The following MBD5 variants were observed in gnomAD, a reference collection of about 807,000 sequenced individuals.
MBD5 encodes methyl-CpG binding domain protein 5.
In MBD5, 13 loss-of-function variants were observed where a neutral mutation model predicts 117.3. The observed-to-expected ratio is 0.11, with a 90% confidence interval of 0.07 to 0.18. The LOEUF is 0.18. MBD5 is among the 10% of genes least tolerant of loss of function. The probability of loss-of-function intolerance (pLI) is 1.00; values close to 1 mark genes in which losing one functional copy is unlikely to be tolerated. For missense variants in MBD5, 1,879 were observed against 2,093.8 expected (o/e 0.90, Z 2.00); for synonymous variants, 727 against 766.4 (o/e 0.95, Z 0.85).
intron 1 of MBD5, among the ~76,000 whole-genome samples, chr2:148,050,952 T>C (rs1408508232): frequency 2.0e-5 from 3 of 152,126 alleles, no homozygotes; most frequent in African/African-American, 7.2e-5. Context: ...TTTCTGAAAA[T>C]GAAAAATAGA....
At chr2:148,161,913 T>A (rs1000581494) in intron 1 of MBD5, among the ~76,000 whole-genome samples, 1 of 152,184 alleles carries the variant, frequency 6.6e-6, no homozygotes, top group Non-Finnish European at 1.5e-5. Context: ...AGGGCTAAAT[T>A]TACTTTGTCA....
At chr2:148,404,839 T>C (rs1197394250) in intron 4 of MBD5, among the ~76,000 whole-genome samples, 1 of 152,190 alleles carries the variant, frequency 6.6e-6, no homozygotes, top group African/African-American at 2.4e-5. Context: ...TATTTTACAG[T>C]CTATTACTTA....
chr2:148,072,230 T>C (rs1695376479), intron 1 of MBD5, among the ~76,000 whole-genome samples: 1 of 152,202 alleles, frequency 6.6e-6, no homozygotes. Context: ...TTTGGGTAAT[T>C]AGACTACACA....
In MBD5 at chr2:148,422,757, A is replaced by G. The variant is rs181385366; in HGVS notation, c.-556-35446A>G. On this transcript the variant is annotated intron_variant, in intron 4 of 13. Transcript: ENST00000642680. ...GAACATAAATGACCTCATGGAGCTG[A>G]AAAACACAGCACGAGAACTTCGTGA... 7.0e-4 allele frequency among the ~76,000 whole-genome samples: 106 copies of G among 152,332 alleles called. 1 individual carries two copies. The highest frequency in any genetic ancestry group is 1.0e-3 in the Non-Finnish European group (71 of 68,034).
chr2:148,059,467 G>C (rs1479685761), intron 1 of MBD5, among the ~76,000 whole-genome samples: 2 of 152,110 alleles, frequency 1.3e-5, no homozygotes, highest in African/African-American at 2.4e-5. Flanking sequence ...GAAATTTACT[G>C]TTAGCTATGT....
At chr2:148,086,127 T>C (rs1695785853) in intron 1 of MBD5, among the ~76,000 whole-genome samples, 1 of 152,106 alleles carries the variant, frequency 6.6e-6, no homozygotes, top group Admixed American at 6.6e-5. Flanking sequence ...ATAGTATATG[T>C]ACTATATAGC....
At chr2:148,161,632 T>C (rs1698010725) in intron 1 of MBD5, among the ~76,000 whole-genome samples, 1 of 152,164 alleles carries the variant, frequency 6.6e-6, no homozygotes, top group South Asian at 2.1e-4. Flanking sequence ...TTTGGGACAA[T>C]GTTTCACATC....
intron 3 of MBD5, among the ~76,000 whole-genome samples, chr2:148,331,198 T>C (rs971642800): frequency 5.3e-5 from 8 of 152,194 alleles, no homozygotes; most frequent in Non-Finnish European, 4.4e-5. Context: ...AATTTATAAA[T>C]GCCTACTTAG....
Position 148,082,945 on chromosome 2 carries a change from A to G in MBD5, c.-925+61261A>G, listed in dbSNP as rs574142322. Among the ~76,000 whole-genome samples the G allele has an allele frequency of 2.0e-5, 3 of 152,320 alleles. No homozygotes were observed. In the South Asian group the frequency reaches 6.2e-4, roughly 32 times the overall value. On this transcript the variant is annotated intron_variant, in intron 1 of 13. Coordinates refer to ENST00000642680, the MANE Select transcript of MBD5 (RefSeq NM_001378120.1). ...ATTGTCTTTCTTGCCCTTGGTAGGC[A>G]TGATCTCCTATAGTCCTTCAATAAA...
chr2:148,398,293 T>C (rs1194054603), intron 4 of MBD5, among the ~76,000 whole-genome samples: 12 of 152,246 alleles, frequency 7.9e-5, no homozygotes, highest in Middle Eastern at 3.4e-3. Context: ...GTTCCTATTT[T>C]TCCACATCTT....
At chr2:148,463,689 A>C in intron 6 of MBD5, 50 bp from the exon 7 acceptor site, 1 of 1,594,646 alleles carries the variant, frequency 6.3e-7, no homozygotes. Flanking sequence ...GGATCTTTTT[A>C]TTAAATGTTT....
chr2:148,390,469 G>A (rs1001034355), intron 4 of MBD5, among the ~76,000 whole-genome samples: 24 of 150,402 alleles, frequency 1.6e-4, no homozygotes, highest in African/African-American at 5.4e-4. Context: ...ATATGTGTGT[G>A]TATATATATA....
intron 8 of MBD5, among the ~76,000 whole-genome samples, chr2:148,475,543 A>G (rs915963948): frequency 1.3e-5 from 2 of 152,120 alleles, no homozygotes; most frequent in Non-Finnish European, 2.9e-5. Flanking sequence ...GAGTGGTGAT[A>G]TGTTTGCTGA....
At chr2:148,370,058 T>A (rs1703809417) in intron 4 of MBD5, among the ~76,000 whole-genome samples, 1 of 152,194 alleles carries the variant, frequency 6.6e-6, no homozygotes, top group African/African-American at 2.4e-5. Flanking sequence ...CTATATTTTA[T>A]ACTAAATTAT....
intron 1 of MBD5, among the ~76,000 whole-genome samples, chr2:148,171,371 A>G (rs1698258293): frequency 6.6e-6 from 1 of 152,238 alleles, no homozygotes; most frequent in African/African-American, 2.4e-5. Context: ...TAACAGAGTG[A>G]AGGACGTATG....
Position 148,075,506 on chromosome 2 carries a change from A to G in MBD5, c.-925+53822A>G, listed in dbSNP as rs376006661. 5.2e-4 allele frequency among the ~76,000 whole-genome samples: 79 copies of G among 152,362 alleles called. 1 individual carries two copies. In the South Asian group the frequency reaches 0.016, roughly 31 times the overall value. ...ATATTTCTGTCTGTATATCTAAAAG[A>G]TAAGGACTCAATTTTAAAATTACTA... On this transcript the variant is annotated intron_variant, in intron 1 of 13. Coordinates refer to ENST00000642680, the MANE Select transcript of MBD5 (RefSeq NM_001378120.1).
chr2:148,474,700 A>T (rs901310831), intron 8 of MBD5, among the ~76,000 whole-genome samples: 6 of 152,164 alleles, frequency 3.9e-5, no homozygotes, highest in African/African-American at 1.4e-4. Flanking sequence ...CAAATAAATA[A>T]ATGTTCTTGA....
chr2:148,461,009 T>C (rs964182573), intron 5 of MBD5, among the ~76,000 whole-genome samples: 1 of 152,192 alleles, frequency 6.6e-6, no homozygotes, highest in Non-Finnish European at 1.5e-5. Context: ...CTTGGCTCAC[T>C]GCAACCTCTG....
At chr2:148,198,802 C>A (rs1399671424) in intron 2 of MBD5, among the ~76,000 whole-genome samples, 1 of 151,910 alleles carries the variant, frequency 6.6e-6, no homozygotes, top group Non-Finnish European at 1.5e-5. Context: ...GTGCTATGAG[C>A]TATATTAAAC....
Sources: allele counts gnomAD v4.1 joint callset (sites outside exome capture counted in the v4.1 genomes callset), GRCh38; gene constraint gnomAD v4.1.1; transcripts MANE v1.5; gene names NCBI Gene and HGNC (gene_info 2026-07-23, HGNC 2026-07-21).